Variants in CNTN4 observed in about 807,000 individuals in gnomAD.
CNTN4 encodes the protein contactin 4.
Under a neutral mutation model 122.5 loss-of-function variants are expected in CNTN4, and 77 were observed. The ratio of observed to expected loss-of-function variants is 0.63; its 90% CI spans 0.52 to 0.76. CNTN4 has a LOEUF of 0.76. CNTN4 is among the 30% of genes least tolerant of loss of function. The probability of loss-of-function intolerance (pLI) is 0.00; values close to 1 mark genes in which losing one functional copy is unlikely to be tolerated. For missense variants in CNTN4, 1,256 were observed against 1,259.1 expected, an observed-to-expected ratio of 1.00 and a Z score of 0.04; for synonymous variants, 512 against 447.0, an observed-to-expected ratio of 1.15 and a Z score of -1.83.
intron 4 of CNTN4, among the ~76,000 whole-genome samples, chr3:2,663,679 G>T (rs1423468603): frequency 6.6e-6 from 1 of 152,070 alleles, no homozygotes; most frequent in African/African-American, 2.4e-5. Flanking sequence ...TGTCCATGAA[G>T]AATCTAAAAT....
chr3:2,519,677 G>A (rs1323493110), intron 3 of CNTN4, among the ~76,000 whole-genome samples: 1 of 152,184 alleles, frequency 6.6e-6, no homozygotes, highest in African/African-American at 2.4e-5. Flanking sequence ...CGGTGCATCA[G>A]GGTTCCTCCT....
intron 7 of CNTN4, among the ~76,000 whole-genome samples, chr3:2,845,345 T>A (rs1363190559): frequency 6.6e-6 from 1 of 151,942 alleles, no homozygotes; most frequent in Non-Finnish European, 1.5e-5. Flanking sequence ...CTGTCAACTT[T>A]AAAAATAAAT....
chr3:2,800,533 A>G (rs1246433776), intron 6 of CNTN4, among the ~76,000 whole-genome samples: 1 of 152,184 alleles, frequency 6.6e-6, no homozygotes, highest in African/African-American at 2.4e-5. Flanking sequence ...ATCTTAATTC[A>G]TCTTTGCAAC....
At chr3:2,334,282 C>G (rs4685510) in intron 2 of CNTN4, among the ~76,000 whole-genome samples, 11,009 of 152,102 alleles carry the variant, frequency 0.072, 452 homozygotes, top group Middle Eastern at 0.085. Flanking sequence ...CTCAGCCTCC[C>G]AAGTAGCTGG....
At chr3:2,292,571 G>C (rs1428386171) in intron 2 of CNTN4, among the ~76,000 whole-genome samples, 1 of 152,036 alleles carries the variant, frequency 6.6e-6, no homozygotes, top group South Asian at 2.1e-4. Flanking sequence ...GTCCCTTTTA[G>C]GTAGTAGTCT....
intron 12 of CNTN4, among the ~76,000 whole-genome samples, chr3:2,922,608 A>ATTTTTTTTT (rs547782541): frequency 1.7e-4 from 19 of 110,012 alleles, no homozygotes; most frequent in Non-Finnish European, 2.6e-4. Context: ...AAAGAACTTG[A>ATTTTTTTTT]TTTTTTTTTT....
chr3:2,916,607 C>T (rs1200327061), intron 12 of CNTN4, among the ~76,000 whole-genome samples: 1 of 124,508 alleles, frequency 8.0e-6, no homozygotes, highest in Admixed American at 8.4e-5. Flanking sequence ...CTTCTTTCTA[C>T]ACAGACACAG....
chr3:2,367,727 C>A (rs767546032), intron 3 of CNTN4, among the ~76,000 whole-genome samples: 2 of 152,144 alleles, frequency 1.3e-5, no homozygotes, highest in Non-Finnish European at 2.9e-5. Flanking sequence ...TCAGGCAATC[C>A]ACCTGCCTGG....
intron 2 of CNTN4, among the ~76,000 whole-genome samples, chr3:2,143,106 C>T (rs549926750): frequency 1.3e-5 from 2 of 152,216 alleles, no homozygotes; most frequent in Non-Finnish European, 2.9e-5. Context: ...GTTCACTGTA[C>T]TGCCGTGCAG....
At chr3:2,422,689 G>T (rs2047659672) in intron 3 of CNTN4, among the ~76,000 whole-genome samples, 1 of 152,118 alleles carries the variant, frequency 6.6e-6, no homozygotes, top group African/African-American at 2.4e-5. Flanking sequence ...AAATAATTCA[G>T]AATTGGAAAG....
chr3:3,039,159 C>A, intron 19 of CNTN4, 156 bp downstream of exon 19: 2 of 695,178 alleles, frequency 2.9e-6, no homozygotes, highest in South Asian at 1.6e-5. Flanking sequence ...TAATGGCTAG[C>A]AGGAAGGACG....
chr3:2,554,605 T>C (rs1488723140), intron 3 of CNTN4, among the ~76,000 whole-genome samples: 1 of 152,150 alleles, frequency 6.6e-6, no homozygotes, highest in Non-Finnish European at 1.5e-5. Flanking sequence ...GTAGTAAATA[T>C]ATATATTTTT....
chr3:2,478,061 A>G lies in CNTN4; in HGVS notation c.-88-93355A>G, dbSNP rs188088826. Among the ~76,000 whole-genome samples the G allele has an allele frequency of 3.6e-4, 55 of 152,328 alleles. 1 individual carries two copies. Among genetic ancestry groups the G allele is most frequent in the Admixed American group, 2.9e-3 (45 of 15,304 alleles). On this transcript the variant is annotated intron_variant, in intron 3 of 24. Transcript: ENST00000418658. ...TGAAATAGACTTTTAGATATTTCCTATTTTATCTTCAATAATCTAAGGAGG... is the reference window on the plus strand; with the variant it reads ...TGAAATAGACTTTTAGATATTTCCTGTTTTATCTTCAATAATCTAAGGAGG...
intron 5 of CNTN4, among the ~76,000 whole-genome samples, chr3:2,742,556 ACAGCGAATCCTATAGATACCCTCC>A (rs11275216): frequency 0.89 from 135,717 of 152,010 alleles, 60,682 homozygotes; most frequent in Admixed American, 0.93. Flanking sequence ...GGATTTTGCT[ACAGCGAATCCTATAGATACCCTCC>A]CAGCAAAGCC....
At chr3:2,758,449 A>C (rs1373919220) in intron 6 of CNTN4, among the ~76,000 whole-genome samples, 1 of 151,532 alleles carries the variant, frequency 6.6e-6, no homozygotes, top group Admixed American at 6.6e-5. Context: ...CATATTCCAT[A>C]TAGTCTTTCT....
chr3:3,040,195 G>A lies in CNTN4; in HGVS notation c.2322G>A (p.Glu774=), dbSNP rs749900447. 29 of 1,614,204 alleles carry A rather than the reference G, an allele frequency of 1.8e-5. No individual in the cohort carries two copies. Among genetic ancestry groups the A allele is most frequent in the Non-Finnish European group, 2.5e-5 (29 of 1,180,028 alleles). ...NESVHPFSPF[E]VKVGVFNNKG... ...GCGTGCACCCCTTCTCTCCCTTTGA[G>A]GTTAAAGTAGGTGTCTTCAACAACA... is the stretch of plus-strand genomic sequence containing the variant. The change falls in exon 20 of 25, where the codon GAG becomes GAA. Residue 774 remains glutamate (E), a synonymous_variant. Transcript: ENST00000418658.
chr3:2,724,168 A>G (rs1285964629), intron 4 of CNTN4, among the ~76,000 whole-genome samples: 1 of 152,196 alleles, frequency 6.6e-6, no homozygotes, highest in Non-Finnish European at 1.5e-5. Context: ...ATCTCTGCCT[A>G]AGTTGAATGA....
chr3:2,812,571 TG>T (rs912167025), intron 6 of CNTN4, among the ~76,000 whole-genome samples: 82 of 93,822 alleles, frequency 8.7e-4, no homozygotes, highest in South Asian at 7.7e-3. Context: ...TGTTTTGTTT[TG>T]TTTTTTTGTT....
intron 12 of CNTN4, among the ~76,000 whole-genome samples, chr3:2,917,838 A>G (rs999525477): frequency 1.1e-4 from 16 of 152,206 alleles, no homozygotes; most frequent in African/African-American, 3.6e-4. Context: ...CAGTTAATCC[A>G]TGCTTCCATT....
Sources: gnomAD v4.1 joint callset for allele counts (sites outside exome capture counted in the v4.1 genomes callset) on GRCh38, gnomAD v4.1.1 for gene constraint, MANE v1.5 for transcripts, NCBI Gene and HGNC (gene_info 2026-07-23, HGNC 2026-07-21) for gene names.